Variants in KCNQ3 observed in about 807,000 individuals in gnomAD.
KCNQ3 encodes potassium voltage-gated channel subfamily KQT member 3.
Under a neutral mutation model 92.5 loss-of-function variants are expected in KCNQ3, and 30 were observed. The observed-to-expected ratio is 0.32, with a 90% confidence interval of 0.24 to 0.44. The LOEUF (loss-of-function observed/expected upper bound fraction) is 0.44, where lower values mean the gene tolerates loss of function less well. Ranked by LOEUF, KCNQ3 falls within the 20% of genes least tolerant of loss-of-function variation. The pLI, the probability that KCNQ3 is intolerant of heterozygous loss-of-function variation, is 1.00. For missense variants in KCNQ3, 913 were observed against 1,140.3 expected, an observed-to-expected ratio of 0.80 and a Z score of 2.87; for synonymous variants, 450 against 468.8, an observed-to-expected ratio of 0.96 and a Z score of 0.52.
chr8:132,457,936 C>T (rs994778356), intron 1 of KCNQ3, among the ~76,000 whole-genome samples: 2 of 152,236 alleles, frequency 1.3e-5, no homozygotes, highest in African/African-American at 4.8e-5. Flanking sequence ...AGAGCCCACA[C>T]TGTTGTGAGA....
At chr8:132,411,008 T>C (rs1820638478) in intron 1 of KCNQ3, among the ~76,000 whole-genome samples, 1 of 152,202 alleles carries the variant, frequency 6.6e-6, no homozygotes, top group Non-Finnish European at 1.5e-5. Context: ...AAAAGCCCCC[T>C]TTCTATAAAG....
At chr8:132,174,720 T>A (rs146350146) in intron 5 of KCNQ3, among the ~76,000 whole-genome samples, 3 of 152,356 alleles carry the variant, frequency 2.0e-5, no homozygotes, top group African/African-American at 7.2e-5. Flanking sequence ...GTATGTCTAA[T>A]GTCTGTGCAT....
chr8:132,250,181 G>A (rs1815355911), intron 1 of KCNQ3, among the ~76,000 whole-genome samples: 1 of 152,332 alleles, frequency 6.6e-6, no homozygotes, highest in East Asian at 1.9e-4. Context: ...CTGAGCGCGA[G>A]CGAGGGTCAC....
intron 1 of KCNQ3, among the ~76,000 whole-genome samples, chr8:132,369,773 A>G (rs1415860831): frequency 6.6e-6 from 1 of 152,208 alleles, no homozygotes; most frequent in African/African-American, 2.4e-5. Flanking sequence ...AGTTCTTATA[A>G]GCATCGTCCA....
intron 1 of KCNQ3, among the ~76,000 whole-genome samples, chr8:132,369,573 GCACACACA>G (rs3049658): frequency 6.8e-5 from 10 of 148,140 alleles, no homozygotes; most frequent in Non-Finnish European, 7.5e-5. Flanking sequence ...TGCTCAAACA[GCACACACA>G]CACACACACA....
At chr8:132,256,393 T>C (rs951844175) in intron 1 of KCNQ3, among the ~76,000 whole-genome samples, 1 of 152,146 alleles carries the variant, frequency 6.6e-6, no homozygotes, top group African/African-American at 2.4e-5. Context: ...CATATGCACA[T>C]GGAAGTTCCA....
intron 8 of KCNQ3, among the ~76,000 whole-genome samples, chr8:132,165,211 TGCTCTAGCCAAA>T (rs2130086049): frequency 6.6e-6 from 1 of 152,290 alleles, no homozygotes; most frequent in Non-Finnish European, 1.5e-5. Flanking sequence ...CCACTGAGAT[TGCTCTAGCCAAA>T]GCCCCAGCCA....
rs144706625 is a variant in KCNQ3 at position 132,395,998 on chromosome 8, G to C, written c.386+84149C>G. On this transcript the variant is annotated intron_variant, in intron 1 of 14. Transcript: ENST00000388996. ...TGCCAATCTGATCTGGAAGGATTTG[G>C]GTTACTATTACCTAGTACTCTAATT... 1.4e-4 allele frequency among the ~76,000 whole-genome samples: 21 copies of C among 152,268 alleles called. No individual in the cohort carries two copies. In the East Asian group the frequency reaches 4.1e-3, roughly 29 times the overall value.
At chr8:132,149,593 T>C (rs1455687868) in intron 9 of KCNQ3, among the ~76,000 whole-genome samples, 2 of 152,194 alleles carry the variant, frequency 1.3e-5, no homozygotes, top group African/African-American at 4.8e-5. Flanking sequence ...CTATGGCATT[T>C]ATCTTCTTTG....
At chr8:132,384,223 C>CG (rs1326678821) in intron 1 of KCNQ3, among the ~76,000 whole-genome samples, 1 of 152,152 alleles carries the variant, frequency 6.6e-6, no homozygotes, top group African/African-American at 2.4e-5. Flanking sequence ...TCCCTTGTCC[C>CG]GGTGAGCTGC....
chr8:132,174,830 A>G (rs1262511813), intron 5 of KCNQ3, among the ~76,000 whole-genome samples: 1 of 152,232 alleles, frequency 6.6e-6, no homozygotes, highest in East Asian at 1.9e-4. Flanking sequence ...TGTGAAAGGC[A>G]GGATTATCAG....
At chr8:132,137,356 T>C (rs1009027437) in intron 12 of KCNQ3, among the ~76,000 whole-genome samples, 7 of 152,274 alleles carry the variant, frequency 4.6e-5, no homozygotes, top group African/African-American at 1.7e-4. Flanking sequence ...AGTTTCCTCA[T>C]TGGAAAAATG....
chr8:132,200,043 C>T (rs1037250056), intron 1 of KCNQ3, among the ~76,000 whole-genome samples: 1 of 152,000 alleles, frequency 6.6e-6, no homozygotes, highest in Admixed American at 6.5e-5. Context: ...CCAAAATTGA[C>T]TTAATACTTG....
chr8:132,241,901 A>AT (rs1348911978), intron 1 of KCNQ3, among the ~76,000 whole-genome samples: 2 of 152,146 alleles, frequency 1.3e-5, no homozygotes, highest in Admixed American at 6.5e-5. Flanking sequence ...GATTATTCTT[A>AT]TTTTTTGCAG....
rs1563775830 is a variant in KCNQ3 at position 132,154,192 on chromosome 8, A to ATTTTTTTTTTTTTTTTT, written c.1262+9275_1262+9276insAAAAAAAAAAAAAAAAA. Among the ~76,000 whole-genome samples the ATTTTTTTTTTTTTTTTT allele has an allele frequency of 8.3e-4, 87 of 104,464 alleles. 4 individuals carry two copies. The highest frequency in any genetic ancestry group is 2.1e-3 in the African/African-American group (64 of 30,316). 68.5% of individuals were successfully genotyped at this position (104,464 alleles called of 152,430 possible). A position where few individuals can be genotyped will look rare whatever the true frequency, so the allele number is the denominator to read the frequency against. ...CCTGATGTACCATCAAAAGGGTAAA[A>ATTTTTTTTTTTTTTTTT]GTTTTTTTTTTTTTTTTTTTTTTTT... On this transcript the variant is annotated intron_variant, in intron 9 of 14. Transcript: ENST00000388996.
chr8:132,252,077 T>C (rs1237174294), intron 1 of KCNQ3, among the ~76,000 whole-genome samples: 1 of 152,202 alleles, frequency 6.6e-6, no homozygotes, highest in Non-Finnish European at 1.5e-5. Context: ...CCACTATGTA[T>C]GATCTCAGTT....
intron 9 of KCNQ3, among the ~76,000 whole-genome samples, chr8:132,141,999 G>A (rs1825312696): frequency 6.6e-6 from 1 of 152,290 alleles, no homozygotes; most frequent in South Asian, 2.1e-4. Flanking sequence ...TTTATATCCT[G>A]TTATTTCAAG....
intron 1 of KCNQ3, among the ~76,000 whole-genome samples, chr8:132,320,821 T>C (rs1303054892): frequency 6.6e-6 from 1 of 152,212 alleles, no homozygotes; most frequent in Admixed American, 6.5e-5. Context: ...TGCCTGATCA[T>C]GTTTGCCACT....
At position 132,259,926 on chromosome 8, in the gene KCNQ3, A is replaced by G. The variant is rs148416035; in HGVS notation, c.387-73745T>C. Among the ~76,000 whole-genome samples the G allele has an allele frequency of 3.9e-3, 594 of 152,312 alleles. 3 individuals carry two copies. Among genetic ancestry groups the G allele is most frequent in the African/African-American group, 0.014 (567 of 41,582 alleles). ...ACAATAGTAACAAAAACATCCCCAA[A>G]GGAATAAATTTAGTACAAGACGTAC... is the stretch of plus-strand genomic sequence containing the variant. On this transcript the variant is annotated intron_variant, in intron 1 of 14. Transcript: ENST00000388996.
Sources: allele counts gnomAD v4.1 joint callset (sites outside exome capture counted in the v4.1 genomes callset), GRCh38; gene constraint gnomAD v4.1.1; transcripts MANE v1.5; gene names NCBI Gene and HGNC (gene_info 2026-07-23, HGNC 2026-07-21).